CHERP: variants seen among roughly 807,000 people sequenced by gnomAD.
CHERP encodes the protein ERPROT 213-21.
In CHERP, 8 loss-of-function variants were observed where a neutral mutation model predicts 113.8. The observed-to-expected ratio is 0.07, with a 90% CI of 0.04 to 0.13. The LOEUF (loss-of-function observed/expected upper bound fraction) is 0.13, where lower values mean the gene tolerates loss of function less well. CHERP is among the 10% of genes least tolerant of loss of function. CHERP has a pLI of 1.00. For missense variants in CHERP, 884 were observed against 1,298.2 expected (o/e 0.68, Z 4.90); for synonymous variants, 559 against 524.5 (o/e 1.07, Z -0.90).
At position 16,532,416 on chromosome 19, in the gene CHERP, C is replaced by T. The variant is rs1376466134; in HGVS notation, c.674+182G>A. 2.9e-5 allele frequency: 20 copies of T among 692,252 alleles called. No homozygotes were observed. The highest frequency in any genetic ancestry group is 6.2e-5 in the Admixed American group (2 of 32,444). The allele number at this position is 692,252 out of a possible 1,614,324, so 42.9% of individuals were successfully genotyped here. On this transcript the variant is annotated intron_variant, in intron 5 of 16. Coordinates refer to ENST00000546361, the MANE Select transcript of CHERP (RefSeq NM_006387.6). This position sits in a 1 kb window ranked among gnomAD's most constrained non-coding sequence, Gnocchi z 4.4. ...GAAGGTGCACAGGACACCTAGACCT[C>T]GCAGTCCTGGAGACAGAAGCCTGGT...
At chr19:16,521,418 GA>G in intron 12 of CHERP, 102 bp downstream of exon 12, 1 of 1,178,482 alleles carries the variant, frequency 8.5e-7, no homozygotes, top group Non-Finnish European at 1.2e-6. Flanking sequence ...AGTTTCTCCT[GA>G]GGGACAGCCA....
chr19:16,519,582 G>T lies in CHERP; in HGVS notation c.2557+39C>A. The T allele has an allele frequency of 6.4e-7, 1 of 1,556,042 alleles. No individual in the cohort carries two copies. Among genetic ancestry groups the T allele is most frequent in the Non-Finnish European group, 8.9e-7 (1 of 1,127,480 alleles). Reference sequence around the variant, plus strand: ...GGTGACTCCCGGGCCCAGCACGCGTGAGGACCCATCCCGCGCCCTCCCCAT... The same window carrying T: ...GGTGACTCCCGGGCCCAGCACGCGTTAGGACCCATCCCGCGCCCTCCCCAT... On this transcript the variant is annotated intron_variant, in intron 16 of 16. Transcript: ENST00000546361. The surrounding 1 kb of genome is among the most constrained non-coding windows in gnomAD (Gnocchi z 6.0).
chr19:16,527,325 A>G (rs914314653), intron 9 of CHERP, among the ~76,000 whole-genome samples: 3 of 152,176 alleles, frequency 2.0e-5, no homozygotes, highest in Non-Finnish European at 2.9e-5. Context: ...GGGGTGTCCA[A>G]TCTTTTGTGA....
At position 16,521,642 on chromosome 19, in the gene CHERP, C is replaced by A; in HGVS notation, c.1993G>T (p.Glu665Ter). Residue 665 changes from glutamate (E) to a stop codon, truncating the protein, a stop_gained, in exon 12 of 17, where the codon GAG (glutamate) becomes TAG (stop). Transcript: ENST00000546361. LOFTEE classifies it high-confidence loss of function. ...MAPLVKLEDH[E>*]YKPLDPKDIR... ...TCTTTAGGGTCCAAAGGCTTGTACT[C>A]GTGATCTTCCAGCTGCAGCAGAGAA... 1 of 1,586,670 alleles carries A rather than the reference C, an allele frequency of 6.3e-7. No individual in the cohort carries two copies.
At position 16,542,407 on chromosome 19, in the gene CHERP, C is replaced by T; in HGVS notation, c.-29G>A. Reference sequence around the variant, plus strand: ...TCCGGCCGCGGGGAACGTCCTCCGGCGCCACACGATCGACCACCAGCGCCG... The same window carrying T: ...TCCGGCCGCGGGGAACGTCCTCCGGTGCCACACGATCGACCACCAGCGCCG... On this transcript the variant is annotated 5_prime_UTR_variant, in exon 1 of 17. Coordinates refer to ENST00000546361, the MANE Select transcript of CHERP (RefSeq NM_006387.6). 1 of 1,349,378 alleles carries T rather than the reference C, an allele frequency of 7.4e-7. No homozygotes were observed. Among genetic ancestry groups the T allele is most frequent in the Non-Finnish European group, 9.6e-7 (1 of 1,043,284 alleles). The allele number at this position is 1,349,378 out of a possible 1,614,324, so 83.6% of individuals were successfully genotyped here.
intron 9 of CHERP, among the ~76,000 whole-genome samples, chr19:16,526,520 T>A (rs2085658660): frequency 2.0e-5 from 3 of 151,986 alleles, no homozygotes; most frequent in Admixed American, 1.3e-4. Context: ...CAGGCTGGAG[T>A]GCAGTGGCGC....
In CHERP at chr19:16,529,631, C is replaced by T. The variant is rs1311919866; in HGVS notation, c.1129+17G>A. ...GGCTGTTTCCTGGGGGCAGGCTGAG[C>T]TGAGGGAGCCCCGTACCAGGCTGGG... On this transcript the variant is annotated intron_variant, in intron 8 of 16. Transcript: ENST00000546361. 1 of 1,534,802 alleles carries T rather than the reference C, an allele frequency of 6.5e-7. No homozygotes were observed. The highest frequency in any genetic ancestry group is 8.7e-7 in the Non-Finnish European group (1 of 1,143,492).
chr19:16,535,933 C>T lies in CHERP; in HGVS notation c.200-297G>A, dbSNP rs972052534. Among the ~76,000 whole-genome samples the T allele has an allele frequency of 7.9e-5, 12 of 152,218 alleles. No homozygotes were observed. The highest frequency in any genetic ancestry group is 1.3e-4 in the Admixed American group (2 of 15,284). The stretch of plus-strand genomic sequence containing the variant: ...ATCCAGTCCTTGCGCAGTGTCCTTC[C>T]GGTGCAAGCTAAGCTTGCCTGCCCA... On this transcript the variant is annotated intron_variant, in intron 2 of 16. Coordinates refer to ENST00000546361, the MANE Select transcript of CHERP (RefSeq NM_006387.6). This position sits in a 1 kb window ranked among gnomAD's most constrained non-coding sequence, Gnocchi z 4.3.
Position 16,523,366 on chromosome 19 carries a change from C to A in CHERP, c.1742-76G>T, listed in dbSNP as rs1308821746. The stretch of plus-strand genomic sequence containing the variant: ...GGCGACAAGTGCTGGAGGGGAGGGG[C>A]TCAGTGAAGGGCCAGGAGACGAACC... On this transcript the variant is annotated intron_variant, in intron 10 of 16. Transcript: ENST00000546361. This position sits in a 1 kb window ranked among gnomAD's most constrained non-coding sequence, Gnocchi z 4.0. 5.8e-6 allele frequency: 9 copies of A among 1,554,250 alleles called. No homozygotes were observed. The African/African-American group carries it at 1.3e-4, about 22-fold the overall frequency.
At chr19:16,542,319 G>A (rs747091901) in intron 1 of CHERP, 35 bp downstream of exon 1, 2 of 1,408,126 alleles carry the variant, frequency 1.4e-6, no homozygotes, top group Non-Finnish European at 1.9e-6. Context: ...GTTCCGGGGA[G>A]AGAGAAACGG....
chr19:16,528,982 T>C (rs1321745455), intron 8 of CHERP, among the ~76,000 whole-genome samples: 1 of 152,196 alleles, frequency 6.6e-6, no homozygotes, highest in Non-Finnish European at 1.5e-5. Flanking sequence ...AATCCTTTGC[T>C]AGATTCTGCT....
chr19:16,527,964 A>T (rs907559458), intron 9 of CHERP, 116 bp downstream of exon 9: 7 of 1,029,286 alleles, frequency 6.8e-6, no homozygotes, highest in Non-Finnish European at 1.0e-5. Context: ...TCTGCCACAG[A>T]ATATCCCTCA....
chr19:16,540,848 C>T (rs1333927688), intron 2 of CHERP, among the ~76,000 whole-genome samples: 1 of 151,768 alleles, frequency 6.6e-6, no homozygotes, highest in Non-Finnish European at 1.5e-5. Context: ...CAGGCGCGGG[C>T]CACCACACCC....
intron 9 of CHERP, 24 bp downstream of exon 9, chr19:16,528,056 C>G: frequency 6.2e-7 from 1 of 1,610,844 alleles, no homozygotes; most frequent in Non-Finnish European, 8.5e-7. Context: ...CCCATCTGCT[C>G]CCACCCCAGG....
chr19:16,519,811 C>T lies in CHERP; in HGVS notation c.2463-96G>A. 1.9e-6 allele frequency: 2 copies of T among 1,045,714 alleles called. No homozygotes were observed. Among genetic ancestry groups the T allele is most frequent in the African/African-American group, 1.6e-5 (1 of 64,128 alleles). 64.8% of individuals were successfully genotyped at this position (1,045,714 alleles called of 1,614,324 possible). A position where few individuals can be genotyped will look rare whatever the true frequency, so the allele number is the denominator to read the frequency against. On this transcript the variant is annotated intron_variant, in intron 15 of 16. Transcript: ENST00000546361. The surrounding 1 kb of genome is among the most constrained non-coding windows in gnomAD (Gnocchi z 6.0). ...CTCACAGCCGCAGCTTGCGTGCATGCTCACTGTCACCAGGTGACACCGTAT... is the reference window on the plus strand; with the variant it reads ...CTCACAGCCGCAGCTTGCGTGCATGTTCACTGTCACCAGGTGACACCGTAT...
chr19:16,533,877 C>T (rs1275691095), intron 3 of CHERP, among the ~76,000 whole-genome samples: 1 of 152,066 alleles, frequency 6.6e-6, no homozygotes, highest in Non-Finnish European at 1.5e-5. Context: ...CACCCATGGC[C>T]TCTAGTGAAG....
In CHERP at chr19:16,541,919, G is replaced by A. The variant is rs755347666; in HGVS notation, c.150C>T (p.Gly50=). 10 of 1,613,836 alleles carry A rather than the reference G, an allele frequency of 6.2e-6. No individual in the cohort carries two copies. The highest frequency in any genetic ancestry group is 1.1e-5 in the South Asian group (1 of 91,068). Residue 50 remains glycine, a synonymous_variant, in exon 2 of 17, where the codon GGC becomes GGT. Transcript: ENST00000546361. ...TGCACTTGTAGTAACTGTAGAATTC[G>A]CCTCCGAAAAGAAACGAGAATTTGG... ...DNPKFSFLFG[G]EFYSYYKCKL...
chr19:16,519,115 C>T lies in CHERP; in HGVS notation c.*44G>A. On this transcript the variant is annotated 3_prime_UTR_variant, in exon 17 of 17. Transcript: ENST00000546361. The surrounding 1 kb of genome is among the most constrained non-coding windows in gnomAD (Gnocchi z 6.0). ...CTGCCAGTCAGCCAGGAAGGTCCCA[C>T]AGCCGGCACCGCTGGCCACCGGCGC... 3.2e-6 allele frequency: 5 copies of T among 1,565,964 alleles called. No individual in the cohort carries two copies. Among genetic ancestry groups the T allele is most frequent in the Non-Finnish European group, 4.3e-6 (5 of 1,151,076 alleles).
rs2085563799 is a variant in CHERP at position 16,518,175 on chromosome 19, C to G, written c.*984G>C. On this transcript the variant is annotated 3_prime_UTR_variant, in exon 17 of 17. Transcript: ENST00000546361. The stretch of plus-strand genomic sequence containing the variant: ...CCGATTCCCAACGGTCACCCACCAG[C>G]TTCTGGCAGGAGCAGCTCCCCTCCT... 6.6e-6 allele frequency: 1 copy of G among 152,138 alleles called. No homozygotes were observed. The highest frequency in any genetic ancestry group is 6.6e-5 in the Admixed American group (1 of 15,264). 9.4% of individuals were successfully genotyped at this position (152,138 alleles called of 1,614,324 possible). A position where few individuals can be genotyped will look rare whatever the true frequency, so the allele number is the denominator to read the frequency against.
Sources: allele counts gnomAD v4.1 joint callset (sites outside exome capture counted in the v4.1 genomes callset), GRCh38; gene constraint gnomAD v4.1.1; non-coding constraint Gnocchi (gnomAD v3.1); transcripts MANE v1.5; gene names NCBI Gene and HGNC (gene_info 2026-07-23, HGNC 2026-07-21).